The following ZNF609 variants were observed in gnomAD, a reference collection of about 807,000 sequenced individuals.
ZNF609 encodes the protein zinc finger protein 609.
In ZNF609, 11 loss-of-function variants were observed where a neutral mutation model predicts 109.5. The ratio of observed to expected loss-of-function variants is 0.10; its 90% CI spans 0.06 to 0.17. The LOEUF (loss-of-function observed/expected upper bound fraction) is 0.17, where lower values mean the gene tolerates loss of function less well. Among genes scored for constraint, ZNF609 ranks in the 10% least tolerant of loss-of-function variants. The probability of loss-of-function intolerance (pLI) is 1.00; values close to 1 mark genes in which losing one functional copy is unlikely to be tolerated. For missense variants in ZNF609, 1,559 were observed against 1,772.4 expected, an observed-to-expected ratio of 0.88 and a Z score of 2.16; for synonymous variants, 646 against 662.0, an observed-to-expected ratio of 0.98 and a Z score of 0.37.
At chr15:64,635,539 CTG>C (rs1305693963) in intron 3 of ZNF609, among the ~76,000 whole-genome samples, 1 of 152,136 alleles carries the variant, frequency 6.6e-6, no homozygotes, top group Non-Finnish European at 1.5e-5. Context: ...ATTTACAACT[CTG>C]TAATCATTTA....
chr15:64,671,306 GAGA>G (rs1896727398), intron 4 of ZNF609: 2 of 151,570 alleles, frequency 1.3e-5, no homozygotes, highest in African/African-American at 4.9e-5. Context: ...GACCAATACA[GAGA>G]AGATTAGCAT....
intron 3 of ZNF609, among the ~76,000 whole-genome samples, chr15:64,645,265 A>G (rs1474306247): frequency 6.6e-6 from 1 of 151,380 alleles, no homozygotes; most frequent in Non-Finnish European, 1.5e-5. Flanking sequence ...TAATTTTTCT[A>G]TTTTTTGTAG....
intron 3 of ZNF609, among the ~76,000 whole-genome samples, chr15:64,632,674 T>C (rs1896103222): frequency 6.6e-6 from 1 of 152,044 alleles, no homozygotes; most frequent in South Asian, 2.1e-4. Flanking sequence ...TTTCGCTATG[T>C]TGGCCAGGCT....
chr15:64,547,762 A>G (rs2047119160), intron 2 of ZNF609, among the ~76,000 whole-genome samples: 1 of 152,154 alleles, frequency 6.6e-6, no homozygotes, highest in Non-Finnish European at 1.5e-5. Flanking sequence ...ATAAACAAAC[A>G]AAAAAACTCC....
chr15:64,678,880 C>T lies in ZNF609; in HGVS notation c.3769+398C>T, dbSNP rs150911405. ...TAGAGCCATTGAGTTCCTTCCACTC[C>T]CGGAGCTTACAGCTTAATCATAGTG... On this transcript the variant is annotated intron_variant, in intron 6 of 9. Coordinates refer to ENST00000326648, the MANE Select transcript of ZNF609 (RefSeq NM_015042.2). Among the ~76,000 whole-genome samples, 757 of 152,270 alleles carry T rather than the reference C, an allele frequency of 5.0e-3. 5 individuals carry two copies. The highest frequency in any genetic ancestry group is 0.014 in the Middle Eastern group (4 of 294).
At chr15:64,552,255 T>C (rs1468110865) in intron 2 of ZNF609, among the ~76,000 whole-genome samples, 1 of 152,180 alleles carries the variant, frequency 6.6e-6, no homozygotes, top group Non-Finnish European at 1.5e-5. Context: ...GTTACAAAGG[T>C]ATTCTATTTT....
intron 1 of ZNF609, among the ~76,000 whole-genome samples, chr15:64,489,263 G>A (rs1377547226): frequency 1.3e-5 from 2 of 151,336 alleles, no homozygotes; most frequent in African/African-American, 2.4e-5. Context: ...TTGGCTCACT[G>A]CAACCTCCGC....
At chr15:64,561,153 A>C (rs1350342687) in intron 2 of ZNF609, among the ~76,000 whole-genome samples, 1 of 152,206 alleles carries the variant, frequency 6.6e-6, no homozygotes, top group Non-Finnish European at 1.5e-5. Flanking sequence ...CCCAGTACTC[A>C]GCTTATTCAG....
chr15:64,483,058 G>A (rs111764757), intron 1 of ZNF609, among the ~76,000 whole-genome samples: 1,553 of 151,672 alleles, frequency 0.01, 31 homozygotes, highest in African/African-American at 0.034. Flanking sequence ...GAATATTAAC[G>A]AATTTGATTA....
chr15:64,466,143 A>T lies in ZNF609; in HGVS notation c.-128+5305A>T, dbSNP rs1352218143. On this transcript the variant is annotated intron_variant, in intron 1 of 9. Coordinates refer to ENST00000326648, the MANE Select transcript of ZNF609 (RefSeq NM_015042.2). ...AAAAAAAAAAAAAAAAAAAAAAGTTAGCGGGGGGTATAGCATTTCCTATAA... is the reference window on the plus strand; with the variant it reads ...AAAAAAAAAAAAAAAAAAAAAAGTTTGCGGGGGGTATAGCATTTCCTATAA... Among the ~76,000 whole-genome samples, 6 of 130,792 alleles carry T rather than the reference A, an allele frequency of 4.6e-5. No individual in the cohort carries two copies. In the East Asian group the frequency reaches 1.2e-3, roughly 27 times the overall value. 85.8% of individuals were successfully genotyped at this position (130,792 alleles called of 152,430 possible). A position where few individuals can be genotyped will look rare whatever the true frequency, so the allele number is the denominator to read the frequency against.
chr15:64,599,831 G>T (rs1357244587), intron 2 of ZNF609, among the ~76,000 whole-genome samples: 1 of 152,150 alleles, frequency 6.6e-6, no homozygotes, highest in African/African-American at 2.4e-5. Flanking sequence ...GTTCATGCCT[G>T]TGTGCCTTTG....
chr15:64,640,226 C>T (rs769995175), intron 3 of ZNF609, among the ~76,000 whole-genome samples: 3 of 152,134 alleles, frequency 2.0e-5, no homozygotes, highest in African/African-American at 7.2e-5. Flanking sequence ...TTTTGTAGAG[C>T]TGAAATCTCA....
chr15:64,623,110 C>A, intron 3 of ZNF609, 58 bp downstream of exon 3: 1 of 1,528,310 alleles, frequency 6.5e-7, no homozygotes, highest in Non-Finnish European at 9.1e-7. Flanking sequence ...AGGGGAGCCA[C>A]CAGGGACTTA....
rs1053624550 is a variant in ZNF609 at position 64,588,060 on chromosome 15, G to A, written c.748-34767G>A. Among the ~76,000 whole-genome samples the A allele has an allele frequency of 7.9e-5, 12 of 151,786 alleles. No homozygotes were observed. In the East Asian group the frequency reaches 2.4e-3, roughly 30 times the overall value. On this transcript the variant is annotated intron_variant, in intron 2 of 9. Coordinates refer to ENST00000326648, the MANE Select transcript of ZNF609 (RefSeq NM_015042.2). ...GCCAGTAGGAGGATCTCTTAAGCCCGGGAAGTTGAGACTGCAGTGAGCTGC... is the reference window on the plus strand; with the variant it reads ...GCCAGTAGGAGGATCTCTTAAGCCCAGGAAGTTGAGACTGCAGTGAGCTGC...
chr15:64,622,278 C>G (rs1895888046), intron 2 of ZNF609, among the ~76,000 whole-genome samples: 1 of 152,132 alleles, frequency 6.6e-6, no homozygotes, highest in Non-Finnish European at 1.5e-5. Context: ...ATTAAAGCAC[C>G]TAGGATCATT....
At chr15:64,626,496 C>T (rs1165762843) in intron 3 of ZNF609, among the ~76,000 whole-genome samples, 1 of 152,028 alleles carries the variant, frequency 6.6e-6, no homozygotes, top group Non-Finnish European at 1.5e-5. Flanking sequence ...TTCTGTCTGT[C>T]TCTTTGTCCA....
chr15:64,618,424 G>T (rs1895832416), intron 2 of ZNF609, among the ~76,000 whole-genome samples: 1 of 152,114 alleles, frequency 6.6e-6, no homozygotes, highest in African/African-American at 2.4e-5. Context: ...GTTACAGGGT[G>T]CTCTTTTAGT....
At chr15:64,651,863 A>G (rs1264699406) in intron 3 of ZNF609, among the ~76,000 whole-genome samples, 1 of 152,152 alleles carries the variant, frequency 6.6e-6, no homozygotes, top group African/African-American at 2.4e-5. Flanking sequence ...CCCTCTTGGG[A>G]AGGAAGTAGA....
Position 64,593,408 on chromosome 15 carries a change from AAAT to A in ZNF609, c.748-29415_748-29413del, listed in dbSNP as rs1458509625. 5 of 740,536 alleles carry A rather than the reference AAAT, an allele frequency of 6.8e-6. No individual in the cohort carries two copies. The African/African-American group carries it at 7.0e-5, about 10-fold the overall frequency. 45.9% of individuals were successfully genotyped at this position (740,536 alleles called of 1,614,324 possible). On this transcript the variant is annotated intron_variant, in intron 2 of 9. Transcript: ENST00000326648. The stretch of plus-strand genomic sequence containing the variant: ...AAATTGTACTTAAATAAATAAATAA[AAAT>A]AATGTTTTAAGTTATAGCTAATTGA...
Sources: gnomAD v4.1 joint callset for allele counts (sites outside exome capture counted in the v4.1 genomes callset) on GRCh38, gnomAD v4.1.1 for gene constraint, MANE v1.5 for transcripts, NCBI Gene and HGNC (gene_info 2026-07-23, HGNC 2026-07-21) for gene names.